Variants in CTNND2 observed in about 807,000 individuals in gnomAD.
CTNND2 encodes catenin delta-2.
CTNND2 carries 22 observed loss-of-function variants against 144.4 expected under a neutral mutation model. The ratio of observed to expected loss-of-function variants is 0.15; its 90% confidence interval spans 0.11 to 0.22. The LOEUF is 0.22. Among genes scored for constraint, CTNND2 ranks in the 10% least tolerant of loss-of-function variants. The pLI is 1.00. For missense variants in CTNND2, 1,353 were observed against 1,618.8 expected, an observed-to-expected ratio of 0.84 and a Z score of 2.82; for synonymous variants, 751 against 695.6, an observed-to-expected ratio of 1.08 and a Z score of -1.25.
At position 11,501,985 on chromosome 5, in the gene CTNND2, G is replaced by A. The variant is rs145429490; in HGVS notation, c.287+62959C>T. 1.2e-3 allele frequency among the ~76,000 whole-genome samples: 169 copies of A among 140,846 alleles called. 6 individuals are homozygous for A. The East Asian group carries it at 0.032, about 26-fold the overall frequency. The allele number at this position is 140,846 out of a possible 152,430, so 92.4% of individuals were successfully genotyped here. On this transcript the variant is annotated intron_variant, in intron 3 of 21. Coordinates refer to ENST00000304623, the MANE Select transcript of CTNND2 (RefSeq NM_001332.4). ...GGAGCTTGCAGTGAGCCGTGATTGC[G>A]CTACTGCACTCCAGCCTGGGTGACA...
chr5:11,349,481 A>ATAG (rs1755116072), intron 8 of CTNND2, among the ~76,000 whole-genome samples: 1 of 152,184 alleles, frequency 6.6e-6, no homozygotes, highest in South Asian at 2.1e-4. Flanking sequence ...TAAAAAAGGA[A>ATAG]TTGAAGTCCT....
At chr5:11,144,727 C>A (rs1418632211) in intron 12 of CTNND2, among the ~76,000 whole-genome samples, 6 of 152,098 alleles carry the variant, frequency 3.9e-5, no homozygotes. Context: ...GGAGGAAGGG[C>A]CTCCACCCAA....
intron 20 of CTNND2, among the ~76,000 whole-genome samples, chr5:10,987,441 C>T (rs1738121491): frequency 6.6e-6 from 1 of 152,286 alleles, no homozygotes; most frequent in African/African-American, 2.4e-5. Context: ...GAAAGGAAGG[C>T]AATGGCTGTG....
chr5:11,706,973 C>T (rs1332795512), intron 2 of CTNND2, among the ~76,000 whole-genome samples: 2 of 151,510 alleles, frequency 1.3e-5, no homozygotes, highest in East Asian at 3.9e-4. Context: ...GTAGTCCCAG[C>T]TACTCGGGAG....
At chr5:11,588,329 G>A (rs1249416097) in intron 2 of CTNND2, among the ~76,000 whole-genome samples, 7 of 148,986 alleles carry the variant, frequency 4.7e-5, no homozygotes, top group South Asian at 2.1e-4. Context: ...AAAAAAAAAA[G>A]ACCTACAATT....
chr5:11,148,873 G>A (rs984812633), intron 12 of CTNND2, among the ~76,000 whole-genome samples: 3 of 152,186 alleles, frequency 2.0e-5, no homozygotes, highest in Admixed American at 1.3e-4. Flanking sequence ...GCCTGTTACC[G>A]CAGGAGCTGG....
chr5:11,485,621 T>C (rs1286691765), intron 3 of CTNND2, among the ~76,000 whole-genome samples: 2 of 152,188 alleles, frequency 1.3e-5, no homozygotes, highest in Non-Finnish European at 2.9e-5. Flanking sequence ...TATGAGAGCT[T>C]AGTAAAAACC....
intron 1 of CTNND2, among the ~76,000 whole-genome samples, chr5:11,797,743 G>C (rs1791474177): frequency 6.6e-6 from 1 of 152,070 alleles, no homozygotes; most frequent in South Asian, 2.1e-4. Context: ...ATCATTTCTG[G>C]ATTTGCATTT....
chr5:11,071,000 G>C (rs1010596122), intron 16 of CTNND2, among the ~76,000 whole-genome samples: 1 of 151,440 alleles, frequency 6.6e-6, no homozygotes, highest in South Asian at 2.1e-4. Flanking sequence ...AGAGGAGAGG[G>C]GGAGAGGACA....
At chr5:11,453,026 G>A (rs1415991404) in intron 3 of CTNND2, among the ~76,000 whole-genome samples, 2 of 152,068 alleles carry the variant, frequency 1.3e-5, no homozygotes, top group Non-Finnish European at 2.9e-5. Context: ...GACTTTCTTG[G>A]CTACCCTGAC....
At chr5:11,270,358 C>T (rs1308958521) in intron 9 of CTNND2, among the ~76,000 whole-genome samples, 1 of 151,634 alleles carries the variant, frequency 6.6e-6, no homozygotes, top group African/African-American at 2.4e-5. Context: ...AATTAATATA[C>T]ATTGGCTAAT....
chr5:11,166,592 T>C (rs910707940), intron 11 of CTNND2, among the ~76,000 whole-genome samples: 7 of 151,830 alleles, frequency 4.6e-5, no homozygotes, highest in Non-Finnish European at 7.4e-5. Context: ...GCTTGGTTGA[T>C]GGTGGGAGTG....
intron 3 of CTNND2, among the ~76,000 whole-genome samples, chr5:11,454,071 A>G (rs1454721452): frequency 6.8e-6 from 1 of 147,514 alleles, no homozygotes; most frequent in African/African-American, 2.7e-5. Context: ...TCCTCTCCAC[A>G]TGAGTTTTCC....
intron 8 of CTNND2, 137 bp from the exon 9 acceptor site, chr5:11,346,764 T>C (rs1387329378): frequency 1.2e-6 from 1 of 825,102 alleles, no homozygotes; most frequent in African/African-American, 1.8e-5. Flanking sequence ...AATTAATCCA[T>C]CATATTTGAA....
At chr5:11,199,709 C>T in intron 10 of CTNND2, 48 bp from the exon 11 acceptor site, 1 of 1,367,312 alleles carries the variant, frequency 7.3e-7, no homozygotes, top group Non-Finnish European at 1.0e-6. Flanking sequence ...TAAGGTTTCC[C>T]TACCTACACC....
In CTNND2 at chr5:11,762,003, A is replaced by C. The variant is rs75765176; in HGVS notation, c.38-29731T>G. On this transcript the variant is annotated intron_variant, in intron 1 of 21. Transcript: ENST00000304623. ...GTGACATTAGTCAAATAAGAGAAAA[A>C]ATTGTGTTATCCACAGGCATAGGCG... Among the ~76,000 whole-genome samples the C allele has an allele frequency of 3.8e-3, 582 of 152,276 alleles. 2 individuals are homozygous for C. The highest frequency in any genetic ancestry group is 0.013 in the African/African-American group (552 of 41,554).
chr5:11,305,281 T>C (rs1173377799), intron 9 of CTNND2, among the ~76,000 whole-genome samples: 1 of 152,176 alleles, frequency 6.6e-6, no homozygotes, highest in Non-Finnish European at 1.5e-5. Flanking sequence ...ATCGCCCCAC[T>C]GTCAGGAGCA....
At position 10,984,071 on chromosome 5, in the gene CTNND2, C is replaced by G. The variant is rs560081606; in HGVS notation, c.3344-2225G>C. Among the ~76,000 whole-genome samples, 8 of 152,286 alleles carry G rather than the reference C, an allele frequency of 5.3e-5. No individual in the cohort carries two copies. In the East Asian group the frequency reaches 1.5e-3, roughly 29 times the overall value. ...GAAGTAACCCCTTCCGCCTGCACCC[C>G]CATCTCATTACCCTGATCAGTTTCT... On this transcript the variant is annotated intron_variant, in intron 20 of 21. Coordinates refer to ENST00000304623, the MANE Select transcript of CTNND2 (RefSeq NM_001332.4).
In CTNND2 at chr5:10,985,216, T is replaced by C. The variant is rs189662627; in HGVS notation, c.3343+2895A>G. ...TGGGAAGGGAAAACCTCCAGGTGAA[T>C]TTAAAACTCAGGCAGTGGAGCTGCT... On this transcript the variant is annotated intron_variant, in intron 20 of 21. Coordinates refer to ENST00000304623, the MANE Select transcript of CTNND2 (RefSeq NM_001332.4). 2.6e-5 allele frequency among the ~76,000 whole-genome samples: 4 copies of C among 152,272 alleles called. No individual in the cohort carries two copies. The East Asian group carries it at 7.7e-4, about 29-fold the overall frequency.
Sources: allele counts gnomAD v4.1 joint callset (sites outside exome capture counted in the v4.1 genomes callset), GRCh38; gene constraint gnomAD v4.1.1; transcripts MANE v1.5; gene names NCBI Gene and HGNC (gene_info 2026-07-23, HGNC 2026-07-21).